Variants in ST18 observed in about 807,000 individuals in gnomAD.
ST18 encodes the protein ST18 C2H2C-type zinc finger transcription factor.
Under a neutral mutation model 110.0 loss-of-function variants are expected in ST18, and 50 were observed. That is an observed-to-expected ratio of 0.45 (90% CI 0.36 to 0.58). ST18 has a LOEUF of 0.58. Ranked by LOEUF, ST18 falls within the 20% of genes least tolerant of loss-of-function variation. ST18 has a pLI of 0.00. For synonymous variants in ST18, 461 were observed against 452.4 expected, an observed-to-expected ratio of 1.02 and a Z score of -0.24; for missense variants, 1,306 against 1,280.1, an observed-to-expected ratio of 1.02 and a Z score of -0.31.
rs1806134612 is a variant in ST18, at chr8:52,325,932, C to G, written c.-465+83396G>C. Among the ~76,000 whole-genome samples, 2 of 152,158 alleles carry G rather than the reference C, an allele frequency of 1.3e-5. 1 individual carries two copies. Among genetic ancestry groups the G allele is most frequent in the South Asian group, 4.1e-4 (2 of 4,830 alleles). On this transcript the variant is annotated intron_variant, in intron 2 of 25. Coordinates refer to ENST00000689386, the MANE Select transcript of ST18 (RefSeq NM_001352837.2). ...AAACTGTTCATTTCTCCCAAGTGTT[C>G]CTTTTCAATATATTAGGATATCAGC...
intron 2 of ST18, among the ~76,000 whole-genome samples, chr8:52,341,484 G>A (rs1039391813): frequency 1.1e-4 from 17 of 152,318 alleles, no homozygotes; most frequent in Middle Eastern, 3.4e-3. Flanking sequence ...TGAAGACTGC[G>A]TTGCCTTGCA....
At chr8:52,314,490 C>T (rs2095985822) in intron 2 of ST18, among the ~76,000 whole-genome samples, 1 of 152,168 alleles carries the variant, frequency 6.6e-6, no homozygotes, top group Non-Finnish European at 1.5e-5. Flanking sequence ...AAGGCACTTG[C>T]CTTAAACTCT....
At chr8:52,205,485 CA>C (rs1336035982) in intron 8 of ST18, among the ~76,000 whole-genome samples, 1 of 152,060 alleles carries the variant, frequency 6.6e-6, no homozygotes, top group African/African-American at 2.4e-5. Context: ...TACTTAAAAT[CA>C]CATGATTAGC....
At chr8:52,274,846 C>G (rs1282115197) in intron 2 of ST18, among the ~76,000 whole-genome samples, 1 of 152,108 alleles carries the variant, frequency 6.6e-6, no homozygotes, top group African/African-American at 2.4e-5. Context: ...TTTCCCTTTT[C>G]CCCAATTTTT....
At chr8:52,272,162 A>G (rs1165343887) in intron 2 of ST18, among the ~76,000 whole-genome samples, 5 of 152,230 alleles carry the variant, frequency 3.3e-5, no homozygotes, top group Admixed American at 2.0e-4. Context: ...TTTCATGGGC[A>G]TAACACCAAA....
rs999207690 is a variant in ST18, at chr8:52,364,881, G to A, written c.-465+44447C>T. On this transcript the variant is annotated intron_variant, in intron 2 of 25. Coordinates refer to ENST00000689386, the MANE Select transcript of ST18 (RefSeq NM_001352837.2). ...TCCCAGCACTTTGAGAGGCCGAGGC[G>A]GGCAGATCACCTGAGGTCAGGAGTT... Among the ~76,000 whole-genome samples the A allele has an allele frequency of 5.9e-5, 9 of 152,150 alleles. No individual in the cohort carries two copies. In the East Asian group the frequency reaches 9.6e-4, roughly 16 times the overall value.
At chr8:52,122,957 TGAG>T in intron 23 of ST18, among the ~76,000 whole-genome samples, 1 of 152,252 alleles carries the variant, frequency 6.6e-6, no homozygotes, top group African/African-American at 2.4e-5. Context: ...TTTTGTCACA[TGAG>T]AAGAGCTAGA....
intron 2 of ST18, among the ~76,000 whole-genome samples, chr8:52,296,816 G>C (rs572816748): frequency 1.3e-5 from 2 of 151,928 alleles, no homozygotes; most frequent in Admixed American, 1.3e-4. Context: ...GATAAATCTC[G>C]CATGCTTTAA....
At chr8:52,322,365 A>C (rs2139924107) in intron 2 of ST18, among the ~76,000 whole-genome samples, 1 of 152,306 alleles carries the variant, frequency 6.6e-6, no homozygotes, top group East Asian at 1.9e-4. Context: ...AACTTGCAAC[A>C]AAGGGCAGTT....
chr8:52,325,332 C>T (rs917594631), intron 2 of ST18, among the ~76,000 whole-genome samples: 11 of 152,124 alleles, frequency 7.2e-5, no homozygotes, highest in Non-Finnish European at 1.2e-4. Context: ...AGGTAAGACC[C>T]GAAGAGATCA....
intron 16 of ST18, among the ~76,000 whole-genome samples, 153 bp downstream of exon 16, chr8:52,149,579 A>T (rs989460955): frequency 1.3e-5 from 2 of 152,264 alleles, no homozygotes; most frequent in Non-Finnish European, 2.9e-5. Context: ...TTCCTCTGAC[A>T]TTAAAAATCA....
chr8:52,159,171 G>GT (rs898859365), intron 14 of ST18, 62 bp from the exon 15 acceptor site: 114 of 1,488,700 alleles, frequency 7.7e-5, no homozygotes, highest in African/African-American at 2.4e-4. Flanking sequence ...AAACAGATTT[G>GT]TTTTTTTTAA....
chr8:52,294,855 A>AT (rs1188972872), intron 2 of ST18, among the ~76,000 whole-genome samples: 1 of 152,226 alleles, frequency 6.6e-6, no homozygotes, highest in African/African-American at 2.4e-5. Context: ...CTCTGGACTC[A>AT]TGGCTACTCT....
intron 8 of ST18, among the ~76,000 whole-genome samples, chr8:52,196,175 T>A (rs74677729): frequency 0.041 from 6,172 of 152,242 alleles, 160 homozygotes; most frequent in East Asian, 0.085. Flanking sequence ...GGAGGTGCCC[T>A]TGTCTCTCCC....
chr8:52,368,350 C>A (rs1412128126), intron 2 of ST18, among the ~76,000 whole-genome samples: 1 of 152,082 alleles, frequency 6.6e-6, no homozygotes, highest in African/African-American at 2.4e-5. Context: ...TTGTGAATAA[C>A]AACAAAATTT....
intron 8 of ST18, among the ~76,000 whole-genome samples, chr8:52,183,793 C>T (rs1276190368): frequency 6.6e-6 from 1 of 152,156 alleles, no homozygotes; most frequent in Non-Finnish European, 1.5e-5. Context: ...TTACGCAATG[C>T]ATGTATGTCC....
intron 2 of ST18, among the ~76,000 whole-genome samples, chr8:52,314,019 C>T (rs551274590): frequency 4.1e-4 from 63 of 152,304 alleles, no homozygotes; most frequent in African/African-American, 1.3e-3. Context: ...CAGGACCCAG[C>T]GCAGCTCTCA....
intron 2 of ST18, among the ~76,000 whole-genome samples, chr8:52,305,166 G>A (rs772723230): frequency 6.6e-6 from 1 of 152,174 alleles, no homozygotes; most frequent in Admixed American, 6.5e-5. Flanking sequence ...GAATAAAATA[G>A]TTCAGGTAAT....
At chr8:52,138,942 C>A (rs1056557534) in intron 17 of ST18, among the ~76,000 whole-genome samples, 2 of 152,102 alleles carry the variant, frequency 1.3e-5, no homozygotes, top group Non-Finnish European at 2.9e-5. Context: ...TATTTTTCTT[C>A]CTGTGATCCA....
Sources: gnomAD v4.1 joint callset for allele counts (sites outside exome capture counted in the v4.1 genomes callset) on GRCh38, gnomAD v4.1.1 for gene constraint, MANE v1.5 for transcripts, NCBI Gene and HGNC (gene_info 2026-07-23, HGNC 2026-07-21) for gene names.